Variants in TASP1 observed in about 807,000 individuals in gnomAD.
The protein encoded by TASP1 is taspase 1, also known as threonine aspartase 1.
Under a neutral mutation model 56.6 loss-of-function variants are expected in TASP1, and 16 were observed. The observed-to-expected ratio is 0.28, with a 90% CI of 0.19 to 0.43. TASP1 has a LOEUF of 0.43. Ranked by LOEUF, TASP1 falls within the 20% of genes least tolerant of loss-of-function variation. The probability of loss-of-function intolerance (pLI) is 1.00; values close to 1 mark genes in which losing one functional copy is unlikely to be tolerated. For synonymous variants in TASP1, 179 were observed against 184.2 expected, an observed-to-expected ratio of 0.97 and a Z score of 0.23; for missense variants, 393 against 511.6, an observed-to-expected ratio of 0.77 and a Z score of 2.24.
downstream of TASP1, among the ~76,000 whole-genome samples, chr20:13,387,115 A>G (rs113287353): frequency 7.4e-5 from 11 of 149,074 alleles, no homozygotes; most frequent in African/African-American, 2.7e-4. Context: ...GAGAACATGC[A>G]TTATTTGATT....
chr20:13,118,345 A>C, the TASP1 span, among the ~76,000 whole-genome samples: 2 of 150,984 alleles, frequency 1.3e-5, no homozygotes, highest in South Asian at 4.2e-4. Flanking sequence ...GCCATTCTCC[A>C]ATATCTTATC....
the TASP1 span, among the ~76,000 whole-genome samples, chr20:13,284,813 A>G: frequency 6.6e-6 from 1 of 152,230 alleles, no homozygotes; most frequent in Non-Finnish European, 1.5e-5. Flanking sequence ...TGGGGGACCC[A>G]TATGAAAAAA....
At chr20:13,203,519 C>G in the TASP1 span, among the ~76,000 whole-genome samples, 1 of 152,128 alleles carries the variant, frequency 6.6e-6, no homozygotes, top group Non-Finnish European at 1.5e-5. Context: ...AGTCACAGTG[C>G]ACTTGAAATT....
chr20:13,274,435 G>T, the TASP1 span, among the ~76,000 whole-genome samples: 2 of 152,146 alleles, frequency 1.3e-5, no homozygotes. Context: ...AGGGCTCCTG[G>T]CCTCATCTGC....
At chr20:13,630,437 C>A (rs2049040435) in intron 1 of TASP1, among the ~76,000 whole-genome samples, 1 of 151,956 alleles carries the variant, frequency 6.6e-6, no homozygotes, top group African/African-American at 2.4e-5. Flanking sequence ...ACCTGTAATC[C>A]CAGCACTTTG....
chr20:13,497,333 C>G (rs922072048), intron 10 of TASP1, among the ~76,000 whole-genome samples: 1 of 152,188 alleles, frequency 6.6e-6, no homozygotes, highest in Non-Finnish European at 1.5e-5. Flanking sequence ...AAAGAAATCC[C>G]TCAGAAGCAC....
the TASP1 span, among the ~76,000 whole-genome samples, chr20:13,371,258 T>G: frequency 6.6e-6 from 1 of 152,124 alleles, no homozygotes; most frequent in Non-Finnish European, 1.5e-5. Flanking sequence ...GAATGTTTGG[T>G]TGTTGATATG....
chr20:13,319,787 C>A, the TASP1 span, among the ~76,000 whole-genome samples: 1 of 152,200 alleles, frequency 6.6e-6, no homozygotes, highest in Non-Finnish European at 1.5e-5. Context: ...GGACAGCCAG[C>A]CAACCTTCTT....
At chr20:13,403,231 T>C (rs2041803435) in intron 13 of TASP1, among the ~76,000 whole-genome samples, 1 of 152,216 alleles carries the variant, frequency 6.6e-6, no homozygotes, top group African/African-American at 2.4e-5. Context: ...TTATTAACAT[T>C]AACTTGCAAG....
At chr20:13,347,317 G>A in the TASP1 span, among the ~76,000 whole-genome samples, 9 of 152,152 alleles carry the variant, frequency 5.9e-5, no homozygotes, top group Non-Finnish European at 1.0e-4. Flanking sequence ...TAGACAGAAT[G>A]GCCTATTGGT....
the TASP1 span, among the ~76,000 whole-genome samples, chr20:13,266,295 A>G: frequency 4.6e-5 from 7 of 152,222 alleles, no homozygotes; most frequent in Non-Finnish European, 7.3e-5. Flanking sequence ...AGAAGAGGAT[A>G]TTTTTATTAC....
chr20:13,577,113 G>A (rs1012382655), intron 6 of TASP1, among the ~76,000 whole-genome samples: 4 of 152,306 alleles, frequency 2.6e-5, no homozygotes, highest in African/African-American at 7.2e-5. Flanking sequence ...GGGTAGGGCA[G>A]AGATGGGGGT....
the TASP1 span, among the ~76,000 whole-genome samples, chr20:13,249,534 A>C: frequency 6.6e-6 from 1 of 152,240 alleles, no homozygotes; most frequent in Non-Finnish European, 1.5e-5. Flanking sequence ...ATTTACAACC[A>C]AATTATACAC....
chr20:13,628,856 T>C (rs1209811137), intron 2 of TASP1, among the ~76,000 whole-genome samples: 4 of 152,164 alleles, frequency 2.6e-5, no homozygotes, highest in Admixed American at 6.5e-5. Context: ...CCAAGACCTT[T>C]TAAAGATGGG....
intron 8 of TASP1, among the ~76,000 whole-genome samples, chr20:13,550,812 T>C (rs888371452): frequency 7.9e-5 from 12 of 152,032 alleles, no homozygotes; most frequent in Admixed American, 3.3e-4. Flanking sequence ...AGTTTGTTTT[T>C]CCAGTGTCAG....
At chr20:13,193,324 GA>G in the TASP1 span, among the ~76,000 whole-genome samples, 1 of 151,642 alleles carries the variant, frequency 6.6e-6, no homozygotes, top group Non-Finnish European at 1.5e-5. Context: ...CAGTGTGGGT[GA>G]AAAAAAATCA....
At chr20:13,632,228 C>T (rs760115234) in intron 1 of TASP1, among the ~76,000 whole-genome samples, 1 of 150,712 alleles carries the variant, frequency 6.6e-6, no homozygotes, top group East Asian at 2.0e-4. Context: ...GGCATGGTGG[C>T]GCGTTCCTGT....
intron 10 of TASP1, among the ~76,000 whole-genome samples, chr20:13,505,814 C>T (rs1030504502): frequency 1.5e-4 from 23 of 151,684 alleles, no homozygotes; most frequent in Admixed American, 7.2e-4. Context: ...AAAGAAAGAC[C>T]TTAAACAAAC....
rs757719914 is a variant in TASP1, at chr20:13,534,102, C to T, written c.715G>A (p.Val239Ile). The T allele has an allele frequency of 5.6e-6, 9 of 1,613,594 alleles. No individual in the cohort carries two copies. The African/African-American group carries it at 9.3e-5, about 17-fold the overall frequency. The change falls in exon 9 of 14, where the codon GTT becomes ATT. Residue 239 changes from valine to isoleucine, a missense_variant. By Grantham distance (29) the Val-to-Ile change is conservative (BLOSUM62 3). This residue lies in a region of TASP1 where 293 missense variants were observed against 354.2 expected (regional missense o/e 0.83). Coordinates refer to ENST00000337743, the MANE Select transcript of TASP1 (RefSeq NM_017714.3). ...SGTLDTVGAV[V>I]VDHEGNVAAA... The stretch of plus-strand genomic sequence containing the variant: ...GCAACATTCCCTTCGTGGTCCACAA[C>T]CACAGCGCCTACCGTGTCCAAAGTG...
Sources: allele counts gnomAD v4.1 joint callset (sites outside exome capture counted in the v4.1 genomes callset), GRCh38; gene constraint gnomAD v4.1.1; regional missense constraint gnomAD v4.1.1; transcripts MANE v1.5; gene names NCBI Gene and HGNC (gene_info 2026-07-23, HGNC 2026-07-21).